The following RBFOX1 variants were observed in gnomAD, a reference collection of about 807,000 sequenced individuals.
RBFOX1 encodes RNA binding fox-1 homolog 1.
Under a neutral mutation model 57.7 loss-of-function variants are expected in RBFOX1, and 8 were observed. The observed-to-expected ratio is 0.14, with a 90% CI of 0.08 to 0.25. The LOEUF (loss-of-function observed/expected upper bound fraction) is 0.25. RBFOX1 is among the 10% of genes least tolerant of loss of function. The probability of loss-of-function intolerance (pLI) is 1.00; values close to 1 mark genes in which losing one functional copy is unlikely to be tolerated. For missense variants in RBFOX1, 611 were observed against 548.5 expected (o/e 1.11, Z -1.14); for synonymous variants, 326 against 222.4 (o/e 1.47, Z -4.15).
chr16:6,149,199 TTGTGTG>T (rs935345455), intron 1 of RBFOX1, among the ~76,000 whole-genome samples: 1 of 152,172 alleles, frequency 6.6e-6, no homozygotes, highest in African/African-American at 2.4e-5. Flanking sequence ...ATTAAGTTCT[TTGTGTG>T]TGTATGTGTG....
intron 4 of RBFOX1, among the ~76,000 whole-genome samples, chr16:5,969,404 T>C (rs1265916383): frequency 6.8e-6 from 1 of 146,114 alleles, no homozygotes. Flanking sequence ...CTCTGCCTTC[T>C]GGGTTCAAGC....
chr16:6,524,716 T>C (rs1049414664), intron 2 of RBFOX1, among the ~76,000 whole-genome samples: 7 of 152,170 alleles, frequency 4.6e-5, no homozygotes, highest in Non-Finnish European at 1.0e-4. Flanking sequence ...GTGAGGGCTC[T>C]AAGAAGGAAA....
chr16:6,519,711 A>G (rs1018401320), intron 2 of RBFOX1, among the ~76,000 whole-genome samples: 14 of 152,152 alleles, frequency 9.2e-5, no homozygotes. Flanking sequence ...CAAAAAGATA[A>G]TAGAAGAAAA....
chr16:7,093,443 A>G (rs2061191875), intron 4 of RBFOX1, among the ~76,000 whole-genome samples: 1 of 152,182 alleles, frequency 6.6e-6, no homozygotes, highest in Non-Finnish European at 1.5e-5. Flanking sequence ...ACATAGTCAC[A>G]TCTTTAATGT....
chr16:6,019,887 C>T lies in RBFOX1; in HGVS notation c.-232C>T, dbSNP rs556905444. ...GTGAGAAACCAGCACCCCCTTCCGC[C>T]GCCTCCAGCTTATGGTGAGTGTGGC... On this transcript the variant is annotated 5_prime_UTR_variant, in exon 1 of 16. Transcript: ENST00000550418. The surrounding 1 kb of genome is among the most constrained non-coding windows in gnomAD (Gnocchi z 4.2). 3 of 1,534,974 alleles carry T rather than the reference C, an allele frequency of 2.0e-6. No homozygotes were observed. The highest frequency in any genetic ancestry group is 2.4e-5 in the East Asian group (1 of 40,822).
intron 4 of RBFOX1, among the ~76,000 whole-genome samples, chr16:7,394,879 C>T (rs926409837): frequency 6.6e-6 from 1 of 152,324 alleles, no homozygotes; most frequent in African/African-American, 2.4e-5. Flanking sequence ...TCTTCCCACC[C>T]TCCTTGCCGT....
At position 7,551,834 on chromosome 16, in the gene RBFOX1, C is replaced by G. The variant is rs112995463; in HGVS notation, c.271-27943C>G. Among the ~76,000 whole-genome samples the G allele has an allele frequency of 2.3e-3, 354 of 152,124 alleles. 1 individual carries two copies. The highest frequency in any genetic ancestry group is 8.0e-3 in the African/African-American group (334 of 41,502). On this transcript the variant is annotated intron_variant, in intron 5 of 15. Coordinates refer to ENST00000550418, the MANE Select transcript of RBFOX1 (RefSeq NM_018723.4). ...GGCGGTGTTTTTCTTTTTTCTTTTT[C>G]CAACATACTACGGATGGTATGGCCA...
intron 3 of RBFOX1, among the ~76,000 whole-genome samples, chr16:6,922,750 G>A (rs1459514978): frequency 2.0e-5 from 3 of 152,136 alleles, no homozygotes; most frequent in East Asian, 1.9e-4. Context: ...ACATTTTCCA[G>A]TAATTTCCTT....
At position 6,704,315 on chromosome 16, in the gene RBFOX1, A is replaced by G. The variant is rs367558649; in HGVS notation, c.-16+49665A>G. Reference sequence around the variant, plus strand: ...ATGCTACCTCTTGAGCTAAAACAGAAATTCAGACCCCACTTTGTAGACACA... The same window carrying G: ...ATGCTACCTCTTGAGCTAAAACAGAGATTCAGACCCCACTTTGTAGACACA... On this transcript the variant is annotated intron_variant, in intron 3 of 15. Coordinates refer to ENST00000550418, the MANE Select transcript of RBFOX1 (RefSeq NM_018723.4). The G allele has an allele frequency of 2.6e-5, 4 of 152,200 alleles. No homozygotes were observed. The East Asian group carries it at 7.7e-4, about 29-fold the overall frequency. The allele number at this position is 152,200 out of a possible 1,614,324, so 9.4% of individuals were successfully genotyped here.
At chr16:6,738,526 A>G (rs1392854711) in intron 3 of RBFOX1, among the ~76,000 whole-genome samples, 1 of 152,194 alleles carries the variant, frequency 6.6e-6, no homozygotes. Context: ...AGATATATGA[A>G]CCCACAGTTA....
chr16:6,675,032 A>T (rs537862889), intron 3 of RBFOX1, among the ~76,000 whole-genome samples: 1 of 151,980 alleles, frequency 6.6e-6, no homozygotes, highest in Non-Finnish European at 1.5e-5. Flanking sequence ...CAGCCTCCTC[A>T]TTAGCTGGGA....
intron 2 of RBFOX1, among the ~76,000 whole-genome samples, chr16:6,589,184 C>G (rs573200592): frequency 1.3e-5 from 2 of 152,284 alleles, no homozygotes; most frequent in African/African-American, 2.4e-5. Context: ...AGAAAAGAAA[C>G]TATTTTTAAA....
At chr16:7,094,628 G>GTT (rs5815365) in intron 4 of RBFOX1, among the ~76,000 whole-genome samples, 3 of 141,020 alleles carry the variant, frequency 2.1e-5, no homozygotes, top group African/African-American at 5.2e-5. Context: ...TTCTTTTGAA[G>GTT]TTTTTTTTTT....
chr16:5,662,078 G>A lies in RBFOX1; in HGVS notation c.318+63117G>A, dbSNP rs534396160. On this transcript the variant is annotated intron_variant, in intron 3 of 19. Coordinates refer to the RBFOX1 transcript ENST00000641259. ...TGGGATTACAGGCATGAGCTACCGC[G>A]CCCGGCCAAAACTTAGACATCTTGT... Among the ~76,000 whole-genome samples, 13 of 152,170 alleles carry A rather than the reference G, an allele frequency of 8.5e-5. No individual in the cohort carries two copies. In the South Asian group the frequency reaches 1.5e-3, roughly 17 times the overall value.
intron 5 of RBFOX1, among the ~76,000 whole-genome samples, chr16:7,532,529 C>A (rs759801862): frequency 2.6e-5 from 4 of 152,178 alleles, no homozygotes; most frequent in Non-Finnish European, 5.9e-5. Context: ...CCCTGGAATA[C>A]AGGGCGTTGG....
At chr16:6,939,465 C>T (rs557212770) in intron 3 of RBFOX1, among the ~76,000 whole-genome samples, 6 of 149,350 alleles carry the variant, frequency 4.0e-5, no homozygotes, top group African/African-American at 7.4e-5. Context: ...TGAATGTGCT[C>T]TGCTTTGCAC....
At chr16:7,484,397 G>A (rs556691539) in intron 4 of RBFOX1, among the ~76,000 whole-genome samples, 1 of 152,102 alleles carries the variant, frequency 6.6e-6, no homozygotes, top group Non-Finnish European at 1.5e-5. Flanking sequence ...AACATTCTAG[G>A]ATACCATTAT....
intron 4 of RBFOX1, among the ~76,000 whole-genome samples, chr16:7,369,460 A>G (rs529550625): frequency 6.6e-6 from 1 of 152,220 alleles, no homozygotes; most frequent in South Asian, 2.1e-4. Flanking sequence ...TCACGCATGG[A>G]ACCAAGATGA....
At chr16:7,589,361 C>T (rs893740358) in intron 7 of RBFOX1, among the ~76,000 whole-genome samples, 2 of 152,138 alleles carry the variant, frequency 1.3e-5, no homozygotes, top group Non-Finnish European at 2.9e-5. Flanking sequence ...ATATCATTTG[C>T]CATTTTGAAA....
Sources: gnomAD v4.1 joint callset for allele counts (sites outside exome capture counted in the v4.1 genomes callset) on GRCh38, gnomAD v4.1.1 for gene constraint, Gnocchi (gnomAD v3.1) non-coding constraint, MANE v1.5 for transcripts, NCBI Gene and HGNC (gene_info 2026-07-23, HGNC 2026-07-21) for gene names.